Variants in CYTH1 observed in about 807,000 individuals in gnomAD.
CYTH1 encodes cytohesin 1.
Under a neutral mutation model 61.8 loss-of-function variants are expected in CYTH1, and 18 were observed. The ratio of observed to expected loss-of-function variants is 0.29; its 90% CI spans 0.20 to 0.43. The LOEUF is 0.43. Ranked by LOEUF, CYTH1 falls within the 20% of genes least tolerant of loss-of-function variation. CYTH1 has a pLI of 1.00. For synonymous variants in CYTH1, 174 were observed against 184.3 expected (o/e 0.94, Z 0.45); for missense variants, 336 against 510.5 (o/e 0.66, Z 3.29).
chr17:78,702,285 C>G (rs755162156), intron 4 of CYTH1, 45 bp from the exon 5 acceptor site: 1 of 1,509,648 alleles, frequency 6.6e-7, no homozygotes, highest in South Asian at 1.1e-5. Context: ...TGCTGGGAAA[C>G]AGTTGAAAAG....
intron 11 of CYTH1, among the ~76,000 whole-genome samples, chr17:78,688,413 G>C (rs533489028): frequency 6.6e-6 from 1 of 152,352 alleles, no homozygotes; most frequent in East Asian, 1.9e-4. Flanking sequence ...TTGAGTACCA[G>C]AGTGACTCGT....
intron 1 of CYTH1, among the ~76,000 whole-genome samples, chr17:78,747,830 T>C (rs1038691336): frequency 2.0e-5 from 3 of 152,218 alleles, no homozygotes; most frequent in Non-Finnish European, 2.9e-5. Context: ...TTGGGGTTCT[T>C]ATGAAAACTG....
intron 1 of CYTH1, among the ~76,000 whole-genome samples, chr17:78,713,090 T>A (rs991069329): frequency 2.5e-4 from 38 of 151,578 alleles, no homozygotes; most frequent in Non-Finnish European, 4.9e-4. Flanking sequence ...TTAAAAAATA[T>A]ATATATATAT....
At chr17:78,698,515 T>A (rs2092971138) in intron 8 of CYTH1, 135 bp from the exon 9 acceptor site, 1 of 734,732 alleles carries the variant, frequency 1.4e-6, no homozygotes, top group African/African-American at 1.8e-5. Context: ...ACTAGAAGAT[T>A]ATGACCATTT....
Position 78,782,160 on chromosome 17 carries a change from G to A in CYTH1, c.22+42C>T, listed in dbSNP as rs896168743. Reference sequence around the variant, plus strand: ...GACGGCCGGGCCCGGAGGGGACTGGGGGACAGCGAGGGGGAAGCGTCCGCC... The same window carrying A: ...GACGGCCGGGCCCGGAGGGGACTGGAGGACAGCGAGGGGGAAGCGTCCGCC... On this transcript the variant is annotated intron_variant, in intron 1 of 13. Transcript: ENST00000446868. 5.9e-6 allele frequency: 8 copies of A among 1,346,104 alleles called. No individual in the cohort carries two copies. The African/African-American group carries it at 1.1e-4, about 18-fold the overall frequency. 83.4% of individuals were successfully genotyped at this position (1,346,104 alleles called of 1,614,324 possible).
intron 11 of CYTH1, among the ~76,000 whole-genome samples, chr17:78,690,135 G>A (rs763744586): frequency 1.3e-5 from 2 of 151,806 alleles, no homozygotes; most frequent in Non-Finnish European, 2.9e-5. Context: ...TGTGTCTTAA[G>A]AAATGTATTC....
intron 11 of CYTH1, among the ~76,000 whole-genome samples, chr17:78,688,420 T>C (rs1266113807): frequency 6.6e-6 from 1 of 152,222 alleles, no homozygotes; most frequent in African/African-American, 2.4e-5. Context: ...CCAGAGTGAC[T>C]CGTTAATCCT....
At chr17:78,780,761 C>T (rs1351603907) in intron 1 of CYTH1, among the ~76,000 whole-genome samples, 1 of 152,182 alleles carries the variant, frequency 6.6e-6, no homozygotes, top group East Asian at 1.9e-4. Flanking sequence ...AATCCCAGCA[C>T]TTTGGGAGGC....
At position 78,708,176 on chromosome 17, in the gene CYTH1, C is replaced by T. The variant is rs774345131; in HGVS notation, c.170+21G>A. 2.5e-6 allele frequency: 4 copies of T among 1,613,868 alleles called. No homozygotes were observed. In the African/African-American group the frequency reaches 5.3e-5, roughly 22 times the overall value. Reference sequence around the variant, plus strand: ...AAGGAATTACAACCACAGAAGCCACCTGGCAGCAGGGCAGACTCACCTTTC... The same window carrying T: ...AAGGAATTACAACCACAGAAGCCACTTGGCAGCAGGGCAGACTCACCTTTC... On this transcript the variant is annotated intron_variant, in intron 3 of 13. Transcript: ENST00000446868.
intron 1 of CYTH1, among the ~76,000 whole-genome samples, chr17:78,760,536 C>CATATATATGT (rs1555615386): frequency 2.4e-5 from 1 of 42,178 alleles, no homozygotes; most frequent in African/African-American, 1.0e-4. Context: ...TATATACATA[C>CATATATATGT]ATATATATGT....
At chr17:78,716,610 T>A (rs1285200894) in intron 1 of CYTH1, among the ~76,000 whole-genome samples, 1 of 152,194 alleles carries the variant, frequency 6.6e-6, no homozygotes, top group East Asian at 1.9e-4. Context: ...TTTAAAAAGC[T>A]GAACTACACC....
At chr17:78,760,355 T>TATATATATATATATATATATATA (rs2093416888) in intron 1 of CYTH1, among the ~76,000 whole-genome samples, 2 of 52,272 alleles carry the variant, frequency 3.8e-5, no homozygotes, top group African/African-American at 1.4e-4. Context: ...AATAGCAGGT[T>TATATATATATATATATATATATA]TATATATATA....
rs548673996 is a variant in CYTH1, at chr17:78,717,644, C to T, written c.23-7912G>A. Among the ~76,000 whole-genome samples the T allele has an allele frequency of 3.0e-3, 461 of 152,250 alleles. 3 individuals are homozygous for T. The highest frequency in any genetic ancestry group is 3.0e-3 in the Non-Finnish European group (202 of 68,024). On this transcript the variant is annotated intron_variant, in intron 1 of 13. Coordinates refer to ENST00000446868, the MANE Select transcript of CYTH1 (RefSeq NM_004762.6). This position sits in a 1 kb window ranked among gnomAD's most constrained non-coding sequence, Gnocchi z 4.4. ...ACGATACATGAGCACACGGCGGGCTCTAGTCTAAAATCCTGCAACCCGCGC... is the reference window on the plus strand; with the variant it reads ...ACGATACATGAGCACACGGCGGGCTTTAGTCTAAAATCCTGCAACCCGCGC...
intron 3 of CYTH1, 41 bp from the exon 4 acceptor site, chr17:78,702,645 A>G (rs1288214744): frequency 5.7e-6 from 9 of 1,586,910 alleles, no homozygotes; most frequent in Non-Finnish European, 7.8e-6. Context: ...ACTTCAGGCC[A>G]TCGGAAAGGC....
intron 1 of CYTH1, among the ~76,000 whole-genome samples, chr17:78,757,310 T>C (rs1196557181): frequency 6.6e-6 from 1 of 151,888 alleles, no homozygotes; most frequent in Non-Finnish European, 1.5e-5. Flanking sequence ...TGACCGTGAG[T>C]GCAGTTTAAA....
intron 1 of CYTH1, among the ~76,000 whole-genome samples, chr17:78,770,372 A>AG: frequency 6.7e-6 from 1 of 150,366 alleles, no homozygotes; most frequent in Admixed American, 6.6e-5. Flanking sequence ...AAAAAAACAA[A>AG]GAAATCTGTG....
chr17:78,709,581 A>G, intron 2 of CYTH1, 69 bp downstream of exon 2: 1 of 1,533,508 alleles, frequency 6.5e-7, no homozygotes. Flanking sequence ...TGCAAAGGAC[A>G]CCCTTTCATA....
intron 1 of CYTH1, among the ~76,000 whole-genome samples, chr17:78,734,948 A>G (rs1389539008): frequency 6.6e-6 from 1 of 152,134 alleles, no homozygotes; most frequent in African/African-American, 2.4e-5. Flanking sequence ...GACCTGCCAG[A>G]GGAAACTCCA....
intron 1 of CYTH1, among the ~76,000 whole-genome samples, chr17:78,774,064 A>T (rs1230072934): frequency 7.5e-6 from 1 of 133,102 alleles, no homozygotes; most frequent in Non-Finnish European, 1.5e-5. Context: ...TGTTTGTTTT[A>T]AAAAAAAACT....
Sources: allele counts gnomAD v4.1 joint callset (sites outside exome capture counted in the v4.1 genomes callset), GRCh38; gene constraint gnomAD v4.1.1; non-coding constraint Gnocchi (gnomAD v3.1); transcripts MANE v1.5; gene names NCBI Gene and HGNC (gene_info 2026-07-23, HGNC 2026-07-21).